The following FOXN3 variants were observed in gnomAD, a reference collection of about 807,000 sequenced individuals.
FOXN3 encodes forkhead box protein N3.
FOXN3 carries 7 observed loss-of-function variants against 38.4 expected under a neutral mutation model. The observed-to-expected ratio is 0.18, with a 90% CI of 0.10 to 0.34. FOXN3 has a LOEUF of 0.34. Among genes scored for constraint, FOXN3 ranks in the 10% least tolerant of loss-of-function variants. The probability of loss-of-function intolerance (pLI) is 1.00; values close to 1 mark genes in which losing one functional copy is unlikely to be tolerated. For missense variants in FOXN3, 456 were observed against 613.4 expected (o/e 0.74, Z 2.71); for synonymous variants, 230 against 242.2 (o/e 0.95, Z 0.47).
At chr14:89,230,361 A>G (rs1884770748) in intron 4 of FOXN3, among the ~76,000 whole-genome samples, 1 of 152,086 alleles carries the variant, frequency 6.6e-6, no homozygotes. Context: ...CACCTCCACC[A>G]TCCTCTGCTG....
At position 89,416,983 on chromosome 14, in the gene FOXN3, G is replaced by C. The variant is rs1416553477; in HGVS notation, c.-127C>G. ...CTCGGTGGCCCCGCTAAGGACGCGC[G>C]GGCGCGGCGCGGCGAGCCCGGGGCG... On this transcript the variant is annotated 5_prime_UTR_variant, in exon 1 of 6. Transcript: ENST00000557258. The C allele has an allele frequency of 3.4e-5, 5 of 147,232 alleles. No individual in the cohort carries two copies. Among genetic ancestry groups the C allele is most frequent in the Non-Finnish European group, 7.5e-5 (5 of 66,236 alleles). 9.1% of individuals were successfully genotyped at this position (147,232 alleles called of 1,614,324 possible).
chr14:89,455,933 T>G (rs952160831), intron 1 of FOXN3, among the ~76,000 whole-genome samples: 2 of 152,176 alleles, frequency 1.3e-5, no homozygotes, highest in South Asian at 4.1e-4. Context: ...CGGTGGCTCA[T>G]GCCTGTAATC....
intron 1 of FOXN3, among the ~76,000 whole-genome samples, chr14:89,541,076 A>G (rs1427338474): frequency 1.3e-5 from 2 of 152,174 alleles, no homozygotes; most frequent in African/African-American, 4.8e-5. Flanking sequence ...CAATTTGTAC[A>G]TTGTGTCATT....
At chr14:89,199,681 T>A (rs778774350) in intron 4 of FOXN3, among the ~76,000 whole-genome samples, 22 of 152,128 alleles carry the variant, frequency 1.4e-4, no homozygotes, top group Admixed American at 2.0e-4. Context: ...GGCAGGTGGA[T>A]CACTTGAGGT....
At chr14:89,261,462 G>T (rs1287413545) in intron 4 of FOXN3, among the ~76,000 whole-genome samples, 1 of 152,136 alleles carries the variant, frequency 6.6e-6, no homozygotes, top group Non-Finnish European at 1.5e-5. Context: ...TGCAGTTTGG[G>T]TTTCTTTTCT....
intron 4 of FOXN3, among the ~76,000 whole-genome samples, chr14:89,224,503 C>A (rs1001265421): frequency 1.3e-5 from 2 of 152,164 alleles, no homozygotes; most frequent in Non-Finnish European, 2.9e-5. Context: ...TGGAACCCTA[C>A]CTTGCCCATA....
chr14:89,359,262 C>G (rs1404024371), intron 2 of FOXN3, among the ~76,000 whole-genome samples: 1 of 151,566 alleles, frequency 6.6e-6, no homozygotes, highest in Non-Finnish European at 1.5e-5. Flanking sequence ...CGCCACTGCA[C>G]TCCAGCCTGG....
At chr14:89,252,754 T>C (rs184284680) in intron 4 of FOXN3, among the ~76,000 whole-genome samples, 1 of 152,280 alleles carries the variant, frequency 6.6e-6, no homozygotes, top group African/African-American at 2.4e-5. Flanking sequence ...ATTTTACCTA[T>C]TCCTCGATTT....
intron 1 of FOXN3, among the ~76,000 whole-genome samples, chr14:89,425,160 G>A (rs1254687950): frequency 6.6e-6 from 1 of 150,790 alleles, no homozygotes; most frequent in South Asian, 2.1e-4. Flanking sequence ...TGCCTCCCGG[G>A]TCCTGGTTCA....
At chr14:89,527,956 C>A (rs1198511218) in intron 1 of FOXN3, among the ~76,000 whole-genome samples, 2 of 152,188 alleles carry the variant, frequency 1.3e-5, no homozygotes, top group South Asian at 2.1e-4. Context: ...CCTGTCTAGG[C>A]CTCCCAAAGT....
chr14:89,318,954 C>T (rs949452556), intron 3 of FOXN3, among the ~76,000 whole-genome samples: 5 of 152,222 alleles, frequency 3.3e-5, no homozygotes, highest in African/African-American at 9.6e-5. Flanking sequence ...GACAGAGAAG[C>T]TATTGCAGGG....
chr14:89,617,461 T>C (rs1896515327), intron 1 of FOXN3, among the ~76,000 whole-genome samples: 1 of 152,258 alleles, frequency 6.6e-6, no homozygotes, highest in Non-Finnish European at 1.5e-5. Flanking sequence ...CTGTCACAGT[T>C]TTAGACTTAG....
At chr14:89,569,539 C>A (rs1463030636) in intron 1 of FOXN3, among the ~76,000 whole-genome samples, 1 of 152,214 alleles carries the variant, frequency 6.6e-6, no homozygotes, top group East Asian at 1.9e-4. Flanking sequence ...CTTTGGAGGT[C>A]TACCTGGACA....
chr14:89,389,940 C>T (rs1348908099), intron 2 of FOXN3, among the ~76,000 whole-genome samples: 1 of 152,054 alleles, frequency 6.6e-6, no homozygotes, highest in East Asian at 1.9e-4. Flanking sequence ...AAAATTCTGG[C>T]CAGGCACAGT....
chr14:89,454,330 G>T (rs1315926178), intron 1 of FOXN3, among the ~76,000 whole-genome samples: 5 of 152,304 alleles, frequency 3.3e-5, no homozygotes, highest in African/African-American at 1.2e-4. Context: ...GACCAGGGTG[G>T]CTGTGGCTGT....
intron 2 of FOXN3, chr14:89,356,234 C>CT (rs1460183362): frequency 6.6e-6 from 1 of 151,600 alleles, no homozygotes; most frequent in East Asian, 1.9e-4. Flanking sequence ...CCCATCTCTA[C>CT]AAAAATACAA....
chr14:89,249,381 CTT>C (rs983180119), intron 4 of FOXN3, among the ~76,000 whole-genome samples: 9 of 152,322 alleles, frequency 5.9e-5, no homozygotes, highest in Admixed American at 3.3e-4. Flanking sequence ...CTGAGTAACT[CTT>C]AGAGCAGCCA....
chr14:89,489,338 C>T (rs1325296028), intron 1 of FOXN3, among the ~76,000 whole-genome samples: 5 of 152,148 alleles, frequency 3.3e-5, no homozygotes, highest in African/African-American at 7.2e-5. Flanking sequence ...CTCATCGAGG[C>T]GTTTGGCTAC....
chr14:89,298,867 G>C (rs931534488), intron 3 of FOXN3, among the ~76,000 whole-genome samples: 8 of 152,204 alleles, frequency 5.3e-5, no homozygotes, highest in African/African-American at 1.9e-4. Flanking sequence ...AATAAAACCA[G>C]ACACTAGAAT....
Sources: allele counts gnomAD v4.1 joint callset (sites outside exome capture counted in the v4.1 genomes callset), GRCh38; gene constraint gnomAD v4.1.1; transcripts MANE v1.5; gene names NCBI Gene and HGNC (gene_info 2026-07-23, HGNC 2026-07-21).